The following DLGAP4 variants were observed in gnomAD, a reference collection of about 807,000 sequenced individuals.
The protein encoded by DLGAP4 is disks large-associated protein 4.
Under a neutral mutation model 86.9 loss-of-function variants are expected in DLGAP4, and 18 were observed. That is an observed-to-expected ratio of 0.21 (90% CI 0.14 to 0.31). The LOEUF (loss-of-function observed/expected upper bound fraction) is 0.31, where lower values mean the gene tolerates loss of function less well. DLGAP4 is among the 10% of genes least tolerant of loss of function. DLGAP4 has a pLI of 1.00. For missense variants in DLGAP4, 1,085 were observed against 1,362.6 expected (o/e 0.80, Z 3.21); for synonymous variants, 548 against 574.3 (o/e 0.95, Z 0.65).
intron 6 of DLGAP4, among the ~76,000 whole-genome samples, chr20:36,443,730 C>T (rs983278695): frequency 4.6e-5 from 7 of 152,120 alleles, no homozygotes; most frequent in Non-Finnish European, 7.4e-5. Flanking sequence ...ATACCAGCAG[C>T]GCTGACCAGC....
At chr20:36,410,470 G>C (rs1391393403) in intron 2 of DLGAP4, among the ~76,000 whole-genome samples, 1 of 152,164 alleles carries the variant, frequency 6.6e-6, no homozygotes, top group Non-Finnish European at 1.5e-5. Flanking sequence ...TCACTATAAA[G>C]AAATATCTGA....
At chr20:36,357,194 G>T (rs782740139) in intron 1 of DLGAP4, among the ~76,000 whole-genome samples, 1 of 151,744 alleles carries the variant, frequency 6.6e-6, no homozygotes, top group Admixed American at 6.6e-5. Context: ...CTCTCCTCTC[G>T]TCCTCCCCCA....
intron 5 of DLGAP4, among the ~76,000 whole-genome samples, chr20:36,441,056 A>G (rs1437946616): frequency 6.6e-6 from 1 of 151,788 alleles, no homozygotes; most frequent in African/African-American, 2.4e-5. Context: ...CCACCAAGTC[A>G]CACCTGAACA....
rs1206204254 is a variant in DLGAP4, at chr20:36,500,455, ACCT to A, written c.2362_2364del (p.Ser790del). On this transcript the variant is annotated inframe_deletion, in exon 10 of 13. Transcript: ENST00000339266. The surrounding 1 kb of genome is among the most constrained non-coding windows in gnomAD (Gnocchi z 4.6). ...GCCCCCACCCGACCCCTGGCTCGAG[ACCT>A]CCTCCAGCTCCCCAGCAGAGCCGGC... 1 of 1,582,854 alleles carries A rather than the reference ACCT, an allele frequency of 6.3e-7. No homozygotes were observed.
In DLGAP4 at chr20:36,496,844, G is replaced by A. The variant is rs1317237340; in HGVS notation, c.1788G>A (p.Lys596=). The change falls in exon 8 of 13, where the codon AAG becomes AAA. Residue 596 remains lysine, a synonymous_variant. Coordinates refer to ENST00000339266, the MANE Select transcript of DLGAP4 (RefSeq NM_001365621.2). ...CCTACCTGGACAGCCAGGACCACAA[G>A]AGCGAGGTGACTAGCCAGTCGGGCC... ...QDTYLDSQDH[K]SEVTSQSGLS... is the part of the protein sequence containing the mutation. 3 of 1,614,236 alleles carry A rather than the reference G, an allele frequency of 1.9e-6. No individual in the cohort carries two copies. The highest frequency in any genetic ancestry group is 2.5e-6 in the Non-Finnish European group (3 of 1,180,044).
chr20:36,399,572 G>A (rs938224626), intron 2 of DLGAP4, among the ~76,000 whole-genome samples: 15 of 152,210 alleles, frequency 9.9e-5, no homozygotes, highest in Non-Finnish European at 1.5e-5. Context: ...CCTTGAGCTG[G>A]GGAGGGGCAG....
chr20:36,468,512 C>T (rs771719243), intron 7 of DLGAP4, among the ~76,000 whole-genome samples: 5 of 152,224 alleles, frequency 3.3e-5, no homozygotes, highest in South Asian at 2.1e-4. Context: ...ATGGCTTGGC[C>T]GAGGCCTCCC....
At chr20:36,349,573 G>C (rs1555893313) in intron 1 of DLGAP4, among the ~76,000 whole-genome samples, 1 of 152,156 alleles carries the variant, frequency 6.6e-6, no homozygotes, top group Admixed American at 6.6e-5. Context: ...AAGTGCAAAG[G>C]CCCTGAGGCA....
Position 36,497,022 on chromosome 20 carries a change from C to G in DLGAP4, c.1966C>G (p.Pro656Ala), listed in dbSNP as rs779713182. 3.1e-6 allele frequency: 5 copies of G among 1,610,630 alleles called. No homozygotes were observed. The Admixed American group carries it at 8.4e-5, about 27-fold the overall frequency. ...GACGCTGACCAGCTCTGAGTCCCAC[C>G]CCGAGGCCGCCCCCAAAAGGAAACT... Reference protein sequence around the residue: ...QGTLTSSESHPEAAPKRKLSS... With the variant: ...QGTLTSSESHAEAAPKRKLSS... Residue 656 changes from proline to alanine, a missense_variant, in exon 8 of 13, where the codon CCC becomes GCC. Coordinates refer to ENST00000339266, the MANE Select transcript of DLGAP4 (RefSeq NM_001365621.2).
intron 1 of DLGAP4, among the ~76,000 whole-genome samples, chr20:36,311,824 C>A (rs1410756755): frequency 1.3e-5 from 2 of 152,324 alleles, no homozygotes; most frequent in African/African-American, 4.8e-5. Context: ...AAGACAGAGG[C>A]CGGGCTTTGG....
intron 1 of DLGAP4, among the ~76,000 whole-genome samples, chr20:36,365,536 G>C (rs1409561120): frequency 6.6e-6 from 1 of 152,192 alleles, no homozygotes; most frequent in Non-Finnish European, 1.5e-5. Flanking sequence ...GCATCGTCCT[G>C]GAGTCAGGTG....
intron 1 of DLGAP4, among the ~76,000 whole-genome samples, chr20:36,310,180 AAAAGAAAGAAAGAAAGAAAGAAAGAAAG>A (rs1161085107): frequency 0.11 from 13,791 of 124,106 alleles, 1,816 homozygotes; most frequent in East Asian, 0.15. Context: ...CAAAAAAAAA[AAAAGAAAGAAAGAAAGAAAGAAAGAAAG>A]AAAGAAAGAA....
chr20:36,362,912 T>C (rs1555894318), intron 1 of DLGAP4, among the ~76,000 whole-genome samples: 2 of 152,180 alleles, frequency 1.3e-5, no homozygotes, highest in African/African-American at 4.8e-5. Flanking sequence ...AAGAAGGCTC[T>C]ATAACTACCC....
rs1190206897 is a variant in DLGAP4 at position 36,528,460 on chromosome 20, CCAGGTG to C, written c.*1430_*1435del. 6.5e-6 allele frequency: 1 copy of C among 152,904 alleles called. No individual in the cohort carries two copies. Among genetic ancestry groups the C allele is most frequent in the East Asian group, 1.9e-4 (1 of 5,168 alleles). The allele number at this position is 152,904 out of a possible 1,614,324, so 9.5% of individuals were successfully genotyped here. On this transcript the variant is annotated 3_prime_UTR_variant, in exon 13 of 13. Coordinates refer to ENST00000339266, the MANE Select transcript of DLGAP4 (RefSeq NM_001365621.2). ...TGCAGGGGGGGACCCCCCCCCGTCC[CCAGGTG>C]AACCAAGGGTCTGCTCCGGGGCCCA...
At chr20:36,504,076 CT>C (rs988703645) in intron 10 of DLGAP4, among the ~76,000 whole-genome samples, 3 of 151,868 alleles carry the variant, frequency 2.0e-5, no homozygotes, top group Admixed American at 6.6e-5. Flanking sequence ...TTTTGTTTTC[CT>C]TTTTTTGTTG....
At chr20:36,450,291 A>G (rs2033701803) in intron 7 of DLGAP4, among the ~76,000 whole-genome samples, 1 of 152,176 alleles carries the variant, frequency 6.6e-6, no homozygotes, top group Admixed American at 6.5e-5. Flanking sequence ...TGAGGCCAGG[A>G]GTTTGAGACC....
intron 2 of DLGAP4, among the ~76,000 whole-genome samples, chr20:36,422,443 CG>C (rs1308718733): frequency 6.6e-6 from 1 of 151,942 alleles, no homozygotes; most frequent in Non-Finnish European, 1.5e-5. Context: ...AGGGAAGGGC[CG>C]TCAAGAAAGG....
chr20:36,319,387 G>C (rs1220830817), intron 1 of DLGAP4, among the ~76,000 whole-genome samples: 1 of 152,184 alleles, frequency 6.6e-6, no homozygotes, highest in East Asian at 1.9e-4. Flanking sequence ...TTGAGGTCCT[G>C]TGTGTTCAAG....
intron 2 of DLGAP4, among the ~76,000 whole-genome samples, chr20:36,403,177 G>T (rs1044685674): frequency 6.6e-6 from 1 of 152,184 alleles, no homozygotes; most frequent in Admixed American, 6.5e-5. Flanking sequence ...AGTTCTGGAG[G>T]CTGGGAAGTC....
Sources: allele counts gnomAD v4.1 joint callset (sites outside exome capture counted in the v4.1 genomes callset), GRCh38; gene constraint gnomAD v4.1.1; non-coding constraint Gnocchi (gnomAD v3.1); transcripts MANE v1.5; gene names NCBI Gene and HGNC (gene_info 2026-07-23, HGNC 2026-07-21).